SLMAP: variants seen among roughly 807,000 people sequenced by gnomAD.
SLMAP encodes the protein sarcolemmal membrane-associated protein.
Under a neutral mutation model 128.8 loss-of-function variants are expected in SLMAP, and 44 were observed. That is an observed-to-expected ratio of 0.34 (90% confidence interval 0.27 to 0.44). The LOEUF (loss-of-function observed/expected upper bound fraction) is 0.44, where lower values mean the gene tolerates loss of function less well. Ranked by LOEUF, SLMAP falls within the 20% of genes least tolerant of loss-of-function variation. The probability of loss-of-function intolerance (pLI) is 1.00; values close to 1 mark genes in which losing one functional copy is unlikely to be tolerated. For synonymous variants in SLMAP, 327 were observed against 348.8 expected, an observed-to-expected ratio of 0.94 and a Z score of 0.70; for missense variants, 787 against 985.3, an observed-to-expected ratio of 0.80 and a Z score of 2.69.
At chr3:57,859,852 G>A (rs2094964687) in intron 8 of SLMAP, among the ~76,000 whole-genome samples, 1 of 152,022 alleles carries the variant, frequency 6.6e-6, no homozygotes, top group South Asian at 2.1e-4. Context: ...TATCTCTAAA[G>A]GTATTGGAAT....
chr3:57,825,141 G>A (rs939500292), intron 2 of SLMAP, among the ~76,000 whole-genome samples: 1 of 151,850 alleles, frequency 6.6e-6, no homozygotes, highest in African/African-American at 2.4e-5. Context: ...TAGTTTTCAT[G>A]TGAATTCTAT....
chr3:57,844,266 C>T (rs1029632499), intron 4 of SLMAP, among the ~76,000 whole-genome samples: 4 of 151,938 alleles, frequency 2.6e-5, no homozygotes, highest in Admixed American at 2.0e-4. Context: ...TGGTGGTGAG[C>T]GCCTGTAGTC....
chr3:57,821,932 C>T (rs190419616), intron 2 of SLMAP, among the ~76,000 whole-genome samples: 1 of 151,860 alleles, frequency 6.6e-6, no homozygotes, highest in East Asian at 1.9e-4. Flanking sequence ...TCCTCCTCCT[C>T]CTCCTCCTCT....
intron 2 of SLMAP, among the ~76,000 whole-genome samples, chr3:57,763,233 A>G (rs1429013650): frequency 6.6e-6 from 1 of 150,764 alleles, no homozygotes; most frequent in Non-Finnish European, 1.5e-5. Flanking sequence ...TAGTGGTAGT[A>G]GTTGTCTACT....
rs139841008 is a variant in SLMAP, at chr3:57,784,492, T to C, written c.198+26643T>C. ...TATTGGAATGAGAGTGTCTGTCCTATGCCTGTGCCTTGTGTTTTGGAAAGT... is the reference window on the plus strand; with the variant it reads ...TATTGGAATGAGAGTGTCTGTCCTACGCCTGTGCCTTGTGTTTTGGAAAGT... On this transcript the variant is annotated intron_variant, in intron 2 of 24. Coordinates refer to ENST00000671191, the MANE Select transcript of SLMAP (RefSeq NM_001377540.1). Among the ~76,000 whole-genome samples the C allele has an allele frequency of 1.2e-3, 178 of 152,346 alleles. 1 individual carries two copies. Among genetic ancestry groups the C allele is most frequent in the African/African-American group, 4.1e-3 (172 of 41,580 alleles).
At chr3:57,839,714 CCA>C (rs1260373872) in intron 3 of SLMAP, among the ~76,000 whole-genome samples, 10 of 152,138 alleles carry the variant, frequency 6.6e-5, no homozygotes, top group African/African-American at 2.4e-4. Flanking sequence ...AGCGATTCTC[CCA>C]CCTCAGCCTC....
chr3:57,869,496 T>C (rs1259800644), intron 13 of SLMAP, among the ~76,000 whole-genome samples: 1 of 150,756 alleles, frequency 6.6e-6, no homozygotes, highest in Non-Finnish European at 1.5e-5. Flanking sequence ...ACATGCCTGT[T>C]GTCCCAGTTA....
chr3:57,890,941 A>G (rs574827822), intron 15 of SLMAP: 16 of 152,170 alleles, frequency 1.1e-4, no homozygotes, highest in African/African-American at 3.9e-4. Context: ...TGTTATTTCA[A>G]ATATCTCGTG....
intron 3 of SLMAP, among the ~76,000 whole-genome samples, chr3:57,837,186 T>C (rs1326953582): frequency 6.6e-6 from 1 of 152,174 alleles, no homozygotes; most frequent in African/African-American, 2.4e-5. Flanking sequence ...AGGTGCCCAC[T>C]CCATGCCCCT....
intron 6 of SLMAP, among the ~76,000 whole-genome samples, chr3:57,853,712 G>T (rs1025859810): frequency 9.9e-5 from 15 of 150,974 alleles, no homozygotes; most frequent in African/African-American, 3.7e-4. Flanking sequence ...AGGCTAAGGC[G>T]GGCGGATCAC....
chr3:57,775,323 T>TG (rs2081630024), intron 2 of SLMAP, among the ~76,000 whole-genome samples: 1 of 151,880 alleles, frequency 6.6e-6, no homozygotes, highest in South Asian at 2.1e-4. Context: ...ATTACAGGCG[T>TG]GGGCCACCGC....
At chr3:57,788,180 A>G (rs1476339172) in intron 2 of SLMAP, among the ~76,000 whole-genome samples, 1 of 152,244 alleles carries the variant, frequency 6.6e-6, no homozygotes, top group African/African-American at 2.4e-5. Context: ...TGAATCATAT[A>G]GGAGAGAGGA....
intron 2 of SLMAP, among the ~76,000 whole-genome samples, chr3:57,816,127 G>GTGTTTGTT (rs554703436): frequency 1.6e-3 from 249 of 151,484 alleles, no homozygotes; most frequent in Middle Eastern, 3.4e-3. Flanking sequence ...TAAACCGTTT[G>GTGTTTGTT]TGTTTGTTTG....
intron 2 of SLMAP, among the ~76,000 whole-genome samples, chr3:57,801,643 G>T (rs1390119738): frequency 6.8e-6 from 1 of 146,516 alleles, no homozygotes; most frequent in East Asian, 2.0e-4. Context: ...TGTTTTTCCT[G>T]TTTTTTTTTT....
chr3:57,775,046 A>T (rs1391175195), intron 2 of SLMAP, among the ~76,000 whole-genome samples: 1 of 150,656 alleles, frequency 6.6e-6, no homozygotes, highest in Non-Finnish European at 1.5e-5. Context: ...TGGATAAGAA[A>T]ACTTTATATT....
intron 4 of SLMAP, among the ~76,000 whole-genome samples, chr3:57,841,620 T>C (rs2093939039): frequency 6.6e-6 from 1 of 152,186 alleles, no homozygotes; most frequent in Admixed American, 6.5e-5. Context: ...ATTTAATTTA[T>C]ATTTTGATGG....
At chr3:57,834,828 A>G (rs373102099) in intron 3 of SLMAP, among the ~76,000 whole-genome samples, 15 of 152,118 alleles carry the variant, frequency 9.9e-5, no homozygotes, top group African/African-American at 3.1e-4. Flanking sequence ...TTCAATTAAG[A>G]TACTAGGCCA....
chr3:57,844,537 T>C (rs1257019903), intron 4 of SLMAP, among the ~76,000 whole-genome samples: 4 of 152,154 alleles, frequency 2.6e-5, no homozygotes, highest in African/African-American at 4.8e-5. Context: ...AGAATATACT[T>C]ATATCCAGGG....
At chr3:57,908,558 G>T (rs1449837267) in intron 18 of SLMAP, among the ~76,000 whole-genome samples, 2 of 152,184 alleles carry the variant, frequency 1.3e-5, no homozygotes, top group African/African-American at 2.4e-5. Context: ...TACATCCCAG[G>T]AGGGAACTAG....
Sources: allele counts gnomAD v4.1 joint callset (sites outside exome capture counted in the v4.1 genomes callset), GRCh38; gene constraint gnomAD v4.1.1; transcripts MANE v1.5; gene names NCBI Gene and HGNC (gene_info 2026-07-23, HGNC 2026-07-21).